Variants in ADAMTS3 observed in about 807,000 individuals in gnomAD.
The protein encoded by ADAMTS3 is A disintegrin and metalloproteinase with thrombospondin motifs 3.
In ADAMTS3, 73 loss-of-function variants were observed where a neutral mutation model predicts 129.0. The ratio of observed to expected loss-of-function variants is 0.57; its 90% confidence interval spans 0.47 to 0.69. ADAMTS3 has a LOEUF of 0.69. ADAMTS3 is among the 30% of genes least tolerant of loss of function. The pLI is 0.00. For missense variants in ADAMTS3, 1,457 were observed against 1,514.5 expected, an observed-to-expected ratio of 0.96 and a Z score of 0.63; for synonymous variants, 477 against 510.8, an observed-to-expected ratio of 0.93 and a Z score of 0.89.
At chr4:72,461,998 G>A (rs1718783128) in intron 3 of ADAMTS3, among the ~76,000 whole-genome samples, 1 of 151,768 alleles carries the variant, frequency 6.6e-6, no homozygotes, top group Non-Finnish European at 1.5e-5. Context: ...ACTATAACCT[G>A]GTTACTCTTC....
At chr4:72,288,412 TAA>T (rs1718566745) in intron 21 of ADAMTS3, among the ~76,000 whole-genome samples, 1 of 152,220 alleles carries the variant, frequency 6.6e-6, no homozygotes, top group Admixed American at 6.5e-5. Context: ...ATGCTTTTAA[TAA>T]AGATGTGAAG....
At chr4:72,375,513 A>G (rs2109872289) in intron 4 of ADAMTS3, among the ~76,000 whole-genome samples, 1 of 152,282 alleles carries the variant, frequency 6.6e-6, no homozygotes, top group South Asian at 2.1e-4. Context: ...GGGAAGAGAA[A>G]GTACTCGGTA....
chr4:72,480,320 A>G (rs1217418147), intron 3 of ADAMTS3, among the ~76,000 whole-genome samples: 1 of 152,238 alleles, frequency 6.6e-6, no homozygotes, highest in Non-Finnish European at 1.5e-5. Flanking sequence ...GATAGACTAG[A>G]TTAAGAAAAC....
chr4:72,561,562 G>A (rs926016118), intron 2 of ADAMTS3, among the ~76,000 whole-genome samples: 2 of 151,948 alleles, frequency 1.3e-5, no homozygotes, highest in South Asian at 2.1e-4. Flanking sequence ...GTTCTTACAC[G>A]TAAAGGAAAG....
intron 3 of ADAMTS3, among the ~76,000 whole-genome samples, chr4:72,459,635 A>T (rs929081467): frequency 2.6e-5 from 4 of 151,562 alleles, no homozygotes; most frequent in African/African-American, 7.3e-5. Context: ...TAAAAATCTC[A>T]AAATGTAGCT....
chr4:72,493,126 T>C (rs1261827897), intron 3 of ADAMTS3, among the ~76,000 whole-genome samples: 1 of 151,968 alleles, frequency 6.6e-6, no homozygotes, highest in Non-Finnish European at 1.5e-5. Context: ...GTGAACCTCT[T>C]ATAGACAACA....
At chr4:72,333,770 G>A (rs1180838764) in intron 5 of ADAMTS3, among the ~76,000 whole-genome samples, 1 of 150,596 alleles carries the variant, frequency 6.6e-6, no homozygotes, top group Non-Finnish European at 1.5e-5. Flanking sequence ...TTTACTTTAA[G>A]TCTCAATTTA....
chr4:72,566,693 T>C (rs1384437718), intron 2 of ADAMTS3, among the ~76,000 whole-genome samples: 2 of 152,188 alleles, frequency 1.3e-5, no homozygotes, highest in African/African-American at 4.8e-5. Context: ...TCACAACAAA[T>C]ACATTATTCT....
intron 3 of ADAMTS3, among the ~76,000 whole-genome samples, chr4:72,468,626 T>A (rs1178284005): frequency 6.6e-6 from 1 of 152,032 alleles, no homozygotes; most frequent in Non-Finnish European, 1.5e-5. Flanking sequence ...CAAAAAGCTA[T>A]CTTAACATTT....
At chr4:72,441,596 T>C (rs922562113) in intron 3 of ADAMTS3, 4 of 151,762 alleles carry the variant, frequency 2.6e-5, no homozygotes, top group African/African-American at 4.8e-5. Context: ...TGAAGAAATC[T>C]TGGTCTACTC....
At chr4:72,484,177 A>G (rs2110008911) in intron 3 of ADAMTS3, among the ~76,000 whole-genome samples, 1 of 152,208 alleles carries the variant, frequency 6.6e-6, no homozygotes, top group East Asian at 1.9e-4. Context: ...ATGTGTAAAA[A>G]GGAAAAGCAA....
At chr4:72,349,388 A>G (rs1426191742) in intron 4 of ADAMTS3, among the ~76,000 whole-genome samples, 2 of 152,060 alleles carry the variant, frequency 1.3e-5, no homozygotes, top group Non-Finnish European at 2.9e-5. Context: ...ACATTTTTAC[A>G]TGAAAAAAAT....
At chr4:72,559,979 C>T (rs1364998907) in intron 2 of ADAMTS3, among the ~76,000 whole-genome samples, 2 of 151,724 alleles carry the variant, frequency 1.3e-5, no homozygotes, top group Non-Finnish European at 2.9e-5. Context: ...CAGCCTGGTA[C>T]TGACACAAAA....
intron 5 of ADAMTS3, among the ~76,000 whole-genome samples, chr4:72,336,397 T>C (rs112077607): frequency 1.4e-4 from 21 of 152,340 alleles, no homozygotes; most frequent in African/African-American, 4.8e-4. Flanking sequence ...AGATAGTTAT[T>C]TGAACATCGT....
chr4:72,401,566 C>CAAAAAAAAAAAAAAAAAAAAAAA (rs374322807), intron 4 of ADAMTS3, among the ~76,000 whole-genome samples: 1 of 37,060 alleles, frequency 2.7e-5, no homozygotes, highest in Non-Finnish European at 4.7e-5. Flanking sequence ...TACTCTGTCT[C>CAAAAAAAAAAAAAAAAAAAAAAA]AAAAAAAAAA....
chr4:72,549,665 C>G (rs1348067324), intron 2 of ADAMTS3, among the ~76,000 whole-genome samples: 1 of 151,866 alleles, frequency 6.6e-6, no homozygotes, highest in Non-Finnish European at 1.5e-5. Flanking sequence ...CAAGAGGGAA[C>G]AGCATTCTCA....
At chr4:72,325,406 A>T (rs79221158) in intron 5 of ADAMTS3, among the ~76,000 whole-genome samples, 1,696 of 152,254 alleles carry the variant, frequency 0.011, 19 homozygotes, top group African/African-American at 0.039. Flanking sequence ...TCCTAACTTT[A>T]TAGTTGCAAT....
intron 4 of ADAMTS3, among the ~76,000 whole-genome samples, chr4:72,390,559 T>A (rs921357671): frequency 6.6e-6 from 1 of 152,200 alleles, no homozygotes; most frequent in Non-Finnish European, 1.5e-5. Flanking sequence ...TATCTCATAC[T>A]TTATGAAAAC....
intron 4 of ADAMTS3, among the ~76,000 whole-genome samples, chr4:72,342,540 T>C (rs912161134): frequency 3.5e-4 from 53 of 151,806 alleles, no homozygotes; most frequent in Admixed American, 3.5e-3. Context: ...ATTTTTTTTC[T>C]TTTTGTATTT....
Sources: allele counts gnomAD v4.1 joint callset (sites outside exome capture counted in the v4.1 genomes callset), GRCh38; gene constraint gnomAD v4.1.1; transcripts MANE v1.5; gene names NCBI Gene and HGNC (gene_info 2026-07-23, HGNC 2026-07-21).